The following HPS6 variants were observed in gnomAD, a reference collection of about 807,000 sequenced individuals.
The protein encoded by HPS6 is BLOC-2 complex member HPS6.
In HPS6, 46 loss-of-function variants were observed where a neutral mutation model predicts 53.6. The observed-to-expected ratio is 0.86, with a 90% CI of 0.68 to 1.10. The LOEUF is 1.10. Ranked by LOEUF, HPS6 falls within the 50% of genes least tolerant of loss-of-function variation. HPS6 has a pLI of 0.00. For synonymous variants in HPS6, 535 were observed against 470.8 expected, an observed-to-expected ratio of 1.14 and a Z score of -1.77; for missense variants, 1,034 against 991.3, an observed-to-expected ratio of 1.04 and a Z score of -0.58.
At position 102,065,416 on chromosome 10, in the gene HPS6, C is replaced by A; in HGVS notation, c.-59C>A. ...CTCCGCTCCCCCGAGAATCGGGCCTCGCCCTGCTGGGCGGCTGGACCTGGG... is the reference window on the plus strand; with the variant it reads ...CTCCGCTCCCCCGAGAATCGGGCCTAGCCCTGCTGGGCGGCTGGACCTGGG... On this transcript the variant is annotated 5_prime_UTR_variant, in exon 1 of 1. Transcript: ENST00000299238. 1 of 1,494,190 alleles carries A rather than the reference C, an allele frequency of 6.7e-7. No individual in the cohort carries two copies. Among genetic ancestry groups the A allele is most frequent in the Non-Finnish European group, 8.9e-7 (1 of 1,127,484 alleles). 92.6% of individuals were successfully genotyped at this position (1,494,190 alleles called of 1,614,324 possible).
At position 102,065,747 on chromosome 10, in the gene HPS6, G is replaced by T. The variant is rs2067963629; in HGVS notation, c.273G>T (p.Ala91=). Residue 91 remains alanine, a synonymous_variant, in exon 1 of 1, where the codon GCG becomes GCT. Coordinates refer to ENST00000299238, the MANE Select transcript of HPS6 (RefSeq NM_024747.6). ...AFFLPWPARP[A]LVLVWESGLA... ...TCCTGCCGTGGCCAGCGCGGCCGGC[G>T]CTGGTGCTGGTGTGGGAGAGTGGCC... is the stretch of plus-strand genomic sequence containing the variant. 3 of 1,501,192 alleles carry T rather than the reference G, an allele frequency of 2.0e-6. No individual in the cohort carries two copies. Among genetic ancestry groups the T allele is most frequent in the Admixed American group, 2.1e-5 (1 of 47,200 alleles). 93.0% of individuals were successfully genotyped at this position (1,501,192 alleles called of 1,614,324 possible).
Position 102,066,777 on chromosome 10 carries a change from C to T in HPS6, c.1303C>T (p.Pro435Ser). Residue 435 changes from proline (P) to serine (S), a missense_variant, in exon 1 of 1, where the codon CCT becomes TCT. Physicochemically the swap from Pro to Ser is moderately conservative, Grantham distance 74 (BLOSUM62 -1). Transcript: ENST00000299238. ...ELRHSSTFRA[P>S]QALASILQGH... Reference sequence around the variant, plus strand: ...GAGACACAGCAGCACATTCCGGGCACCTCAGGCTCTGGCCTCCATCCTCCA... The same window carrying T: ...GAGACACAGCAGCACATTCCGGGCATCTCAGGCTCTGGCCTCCATCCTCCA... 6.2e-7 allele frequency: 1 copy of T among 1,614,174 alleles called. No homozygotes were observed. Among genetic ancestry groups the T allele is most frequent in the Non-Finnish European group, 8.5e-7 (1 of 1,180,046 alleles).
In HPS6 at chr10:102,067,189, T is replaced by C. The variant is rs202086504; in HGVS notation, c.1715T>C (p.Leu572Pro). Residue 572 changes from leucine to proline, a missense_variant, in exon 1 of 1, where the codon CTG becomes CCG. By Grantham distance (98) the Leu-to-Pro change is moderately conservative. Transcript: ENST00000299238. Reference protein sequence around the residue: ...LPPFELLCQCLCQLEPRWLPP... With the variant: ...LPPFELLCQCPCQLEPRWLPP... ...CCCTTTGAACTCCTGTGCCAGTGTC[T>C]GTGCCAGCTGGAGCCTCGATGGCTG... 9.3e-6 allele frequency: 15 copies of C among 1,613,106 alleles called. No individual in the cohort carries two copies. Among genetic ancestry groups the C allele is most frequent in the African/African-American group, 2.7e-5 (2 of 74,912 alleles).
chr10:102,067,368 C>T lies in HPS6; in HGVS notation c.1894C>T (p.Arg632Trp), dbSNP rs762947367. 16 of 1,612,682 alleles carry T rather than the reference C, an allele frequency of 9.9e-6. No homozygotes were observed. The highest frequency in any genetic ancestry group is 8.9e-5 in the East Asian group (4 of 44,890). Reference sequence around the variant, plus strand: ...GCTAGAGCTGCTCTTGAGCAGTGGGCGGCCTAAAGCTGTGCTCCAAGCTGT... The same window carrying T: ...GCTAGAGCTGCTCTTGAGCAGTGGGTGGCCTAAAGCTGTGCTCCAAGCTGT... ...LELELLLSSG[R>W]PKAVLQAVGQ... The change falls in exon 1 of 1, where the codon CGG becomes TGG. Residue 632 changes from arginine to tryptophan, a missense_variant. Transcript: ENST00000299238.
chr10:102,067,135 G>C lies in HPS6; in HGVS notation c.1661G>C (p.Gly554Ala). 1 of 1,614,002 alleles carries C rather than the reference G, an allele frequency of 6.2e-7. No homozygotes were observed. Among genetic ancestry groups the C allele is most frequent in the Non-Finnish European group, 8.5e-7 (1 of 1,180,028 alleles). The stretch of plus-strand genomic sequence containing the variant: ...AAAGTGTTAGGGGGAATAACCGCTG[G>C]AAAGGAACCCCCCAATGGAATACTG... ...WKKVLGGITAGKEPPNGILPP... is the reference protein window; with the variant it reads ...WKKVLGGITAAKEPPNGILPP... Residue 554 changes from glycine (G) to alanine (A), a missense_variant, in exon 1 of 1, where the codon GGA (glycine) becomes GCA (alanine). By Grantham distance (60) the Gly-to-Ala change is moderately conservative. Transcript: ENST00000299238.
rs1389744223 is a variant in HPS6, at chr10:102,067,084, C to T, written c.1610C>T (p.Ser537Phe). The T allele has an allele frequency of 8.7e-6, 14 of 1,614,164 alleles. No homozygotes were observed. The highest frequency in any genetic ancestry group is 1.6e-4 in the Middle Eastern group (1 of 6,062). Residue 537 changes from serine to phenylalanine, a missense_variant, in exon 1 of 1, where the codon TCC becomes TTC. Coordinates refer to ENST00000299238, the MANE Select transcript of HPS6 (RefSeq NM_024747.6). ...CTAGATGGGAATGGCAAGCTGAGGTCCCAAGCACCCCCTGATGTGTGGAAG... is the reference window on the plus strand; with the variant it reads ...CTAGATGGGAATGGCAAGCTGAGGTTCCAAGCACCCCCTGATGTGTGGAAG... ...LQLDGNGKLR[S>F]QAPPDVWKKV...
At position 102,065,464 on chromosome 10, in the gene HPS6, G is replaced by T. The variant is rs1294826619; in HGVS notation, c.-11G>T. 1 of 1,550,878 alleles carries T rather than the reference G, an allele frequency of 6.4e-7. No homozygotes were observed. The highest frequency in any genetic ancestry group is 1.8e-5 in the Admixed American group (1 of 54,986). ...GGGCAAAGCCTGGGCGCGCTCCCGC[G>T]CAGCGGCGCCATGAAGCGCTCGGGG... On this transcript the variant is annotated 5_prime_UTR_variant, in exon 1 of 1. Coordinates refer to ENST00000299238, the MANE Select transcript of HPS6 (RefSeq NM_024747.6).
rs893964043 is a variant in HPS6, at chr10:102,065,394, C to T, written c.-81C>T. Reference sequence around the variant, plus strand: ...GGAGACGGAAGTCTTGGCCCTGCTCCGCTCCCCCGAGAATCGGGCCTCGCC... The same window carrying T: ...GGAGACGGAAGTCTTGGCCCTGCTCTGCTCCCCCGAGAATCGGGCCTCGCC... On this transcript the variant is annotated 5_prime_UTR_variant, in exon 1 of 1. Coordinates refer to ENST00000299238, the MANE Select transcript of HPS6 (RefSeq NM_024747.6). 4.2e-6 allele frequency: 6 copies of T among 1,415,200 alleles called. No individual in the cohort carries two copies. Among genetic ancestry groups the T allele is most frequent in the South Asian group, 1.3e-5 (1 of 76,760 alleles). 87.7% of individuals were successfully genotyped at this position (1,415,200 alleles called of 1,614,324 possible).
rs777735693 is a variant in HPS6 at position 102,066,561 on chromosome 10, A to G, written c.1087A>G (p.Met363Val). The change falls in exon 1 of 1, where the codon ATG (methionine) becomes GTG (valine). Residue 363 changes from methionine (M) to valine (V), a missense_variant. Transcript: ENST00000299238. ...TCTGCTAGAACCGCCAGCCCCCGGC[A>G]TGGAGGATGAGGAAGAGCTGGAGAC... ...VHLLEPPAPG[M>V]EDEEELETRG... 1 of 1,614,160 alleles carries G rather than the reference A, an allele frequency of 6.2e-7. No individual in the cohort carries two copies. The highest frequency in any genetic ancestry group is 2.2e-5 in the East Asian group (1 of 44,886).
rs1564899913 is a variant in HPS6, at chr10:102,067,280, GC to G, written c.1810del (p.Leu604CysfsTer9). The G allele has an allele frequency of 6.2e-7, 1 of 1,612,974 alleles. No homozygotes were observed. The highest frequency in any genetic ancestry group is 1.1e-5 in the South Asian group (1 of 91,074). On this transcript the variant is annotated frameshift_variant, in exon 1 of 1. Transcript: ENST00000299238. LOFTEE classifies it high-confidence loss of function. ...PGWGAGGPGL[P>X]LYRRALAVLG... ...GCTGGGGGGCAGGGGGCCCAGGACT[GC>G]CCCTGTATCGCCGAGCTCTGGCAGT... is the stretch of plus-strand genomic sequence containing the variant.
chr10:102,067,099 A>T lies in HPS6; in HGVS notation c.1625A>T (p.Asp542Val). Residue 542 changes from aspartate (D) to valine (V), a missense_variant, in exon 1 of 1, where the codon GAT (aspartate) becomes GTT (valine). Physicochemically the swap from Asp to Val is radical, Grantham distance 152. Transcript: ENST00000299238. ...AAGCTGAGGTCCCAAGCACCCCCTGATGTGTGGAAGAAAGTGTTAGGGGGA... is the reference window on the plus strand; with the variant it reads ...AAGCTGAGGTCCCAAGCACCCCCTGTTGTGTGGAAGAAAGTGTTAGGGGGA... ...NGKLRSQAPP[D>V]VWKKVLGGIT... 1 of 1,614,098 alleles carries T rather than the reference A, an allele frequency of 6.2e-7. No individual in the cohort carries two copies. Among genetic ancestry groups the T allele is most frequent in the Non-Finnish European group, 8.5e-7 (1 of 1,179,996 alleles).
Position 102,065,751 on chromosome 10 carries a change from G to C in HPS6, c.277G>C (p.Val93Leu), listed in dbSNP as rs185571437. The change falls in exon 1 of 1, where the codon GTG becomes CTG. Residue 93 changes from valine (V) to leucine (L), a missense_variant. Transcript: ENST00000299238. ...GCCGTGGCCAGCGCGGCCGGCGCTG[G>C]TGCTGGTGTGGGAGAGTGGCCTGGC... ...FLPWPARPAL[V>L]LVWESGLAEV... 1.3e-6 allele frequency: 2 copies of C among 1,502,948 alleles called. No individual in the cohort carries two copies. The highest frequency in any genetic ancestry group is 1.8e-6 in the Non-Finnish European group (2 of 1,133,922). 93.1% of individuals were successfully genotyped at this position (1,502,948 alleles called of 1,614,324 possible).
rs769879663 is a variant in HPS6 at position 102,067,272 on chromosome 10, C to T, written c.1798C>T (p.Pro600Ser). 1.2e-6 allele frequency: 2 copies of T among 1,612,874 alleles called. No homozygotes were observed. Among genetic ancestry groups the T allele is most frequent in the Non-Finnish European group, 1.7e-6 (2 of 1,179,806 alleles). ...QGGPGWGAGG[P>S]GLPLYRRALA... ...CGGGCCGGGCTGGGGGGCAGGGGGC[C>T]CAGGACTGCCCCTGTATCGCCGAGC... Residue 600 changes from proline (P) to serine (S), a missense_variant, in exon 1 of 1, where the codon CCA (proline) becomes TCA (serine). Pro to Ser is a moderately conservative substitution (Grantham distance 74). Transcript: ENST00000299238.
chr10:102,066,595 A>T lies in HPS6; in HGVS notation c.1121A>T (p.Asn374Ile), dbSNP rs1485524076. 1 of 1,614,058 alleles carries T rather than the reference A, an allele frequency of 6.2e-7. No individual in the cohort carries two copies. The highest frequency in any genetic ancestry group is 8.5e-7 in the Non-Finnish European group (1 of 1,180,044). The change falls in exon 1 of 1, where the codon AAT becomes ATT. Residue 374 changes from asparagine to isoleucine, a missense_variant. Physicochemically the swap from Asn to Ile is moderately radical, Grantham distance 149 (BLOSUM62 -3). Transcript: ENST00000299238. Reference sequence around the variant, plus strand: ...GAGGAAGAGCTGGAGACCCGAGGGAATCTTCGTCTGCTTTCAGCCTTGGGT... The same window carrying T: ...GAGGAAGAGCTGGAGACCCGAGGGATTCTTCGTCTGCTTTCAGCCTTGGGT... ...EDEEELETRG[N>I]LRLLSALGLF...
At position 102,067,160 on chromosome 10, in the gene HPS6, G is replaced by GC. The variant is rs1384342700; in HGVS notation, c.1692dup (p.Phe565LeufsTer2). ...GAAAGGAACCCCCCAATGGAATACT[G>GC]CCCCCCTTTGAACTCCTGTGCCAGT... On this transcript the variant is annotated frameshift_variant, in exon 1 of 1. Transcript: ENST00000299238. LOFTEE classifies it high-confidence loss of function. 1.9e-6 allele frequency: 3 copies of GC among 1,613,622 alleles called. No individual in the cohort carries two copies. Among genetic ancestry groups the GC allele is most frequent in the Admixed American group, 1.7e-5 (1 of 60,022 alleles).
At position 102,065,869 on chromosome 10, in the gene HPS6, C is replaced by A; in HGVS notation, c.395C>A (p.Ala132Glu). ...GGGGGAGCCCGCGTTGTGGCAGTGG[C>A]GGCGCTCCGAGGCCGCCTGGTGTGG... ...PGGGARVVAV[A>E]ALRGRLVWCE... The change falls in exon 1 of 1, where the codon GCG becomes GAG. Residue 132 changes from alanine (A) to glutamate (E), a missense_variant. Transcript: ENST00000299238. The A allele has an allele frequency of 1.3e-6, 2 of 1,527,448 alleles. No individual in the cohort carries two copies. The highest frequency in any genetic ancestry group is 1.2e-5 in the South Asian group (1 of 83,444). The allele number at this position is 1,527,448 out of a possible 1,614,324, so 94.6% of individuals were successfully genotyped here.
Position 102,066,270 on chromosome 10 carries a change from G to A in HPS6, c.796G>A (p.Glu266Lys), listed in dbSNP as rs2067969334. Residue 266 changes from glutamate (E) to lysine (K), a missense_variant, in exon 1 of 1, where the codon GAG (glutamate) becomes AAG (lysine). By Grantham distance (56) the Glu-to-Lys change is moderately conservative. Transcript: ENST00000299238. ...CCTTCCTGGGTTGCTGTCCCCCAGG[G>A]AGCCACTGGCTGTACACACCTGGGC... ...RGLPGLLSPREPLAVHTWAPT... is the reference protein window; with the variant it reads ...RGLPGLLSPRKPLAVHTWAPT... 5.6e-6 allele frequency: 9 copies of A among 1,613,956 alleles called. No individual in the cohort carries two copies. In the East Asian group the frequency reaches 8.9e-5, roughly 16 times the overall value.
Position 102,065,651 on chromosome 10 carries a change from G to T in HPS6, c.177G>T (p.Ala59=). 1 of 1,539,872 alleles carries T rather than the reference G, an allele frequency of 6.5e-7. No individual in the cohort carries two copies. Among genetic ancestry groups the T allele is most frequent in the Non-Finnish European group, 8.7e-7 (1 of 1,154,362 alleles). The change falls in exon 1 of 1, where the codon GCG becomes GCT. Residue 59 remains alanine, a synonymous_variant. Coordinates refer to ENST00000299238, the MANE Select transcript of HPS6 (RefSeq NM_024747.6). ...PGAVAPQLLV[A]SRGPGAELER... is the part of the protein sequence containing the mutation. ...CGGTAGCCCCACAGCTGCTAGTCGC[G>T]TCGCGAGGGCCCGGCGCGGAGCTAG...
Position 102,067,759 on chromosome 10 carries a change from G to A in HPS6, c.2285G>A (p.Trp762Ter). 1.9e-6 allele frequency: 3 copies of A among 1,613,122 alleles called. No homozygotes were observed. Among genetic ancestry groups the A allele is most frequent in the East Asian group, 4.5e-5 (2 of 44,892 alleles). Residue 762 changes from tryptophan to a stop codon, truncating the protein, a stop_gained, in exon 1 of 1, where the codon TGG becomes TAG. Coordinates refer to ENST00000299238, the MANE Select transcript of HPS6 (RefSeq NM_024747.6). LOFTEE classifies it high-confidence loss of function. ...CTAAGCCCATATGAGGACATCCTAT[G>A]GGACCCCAGCACTCCACCCCCGACT... ...PVLSPYEDIL[W>*]DPSTPPPTPP...
Sources: gnomAD v4.1 joint callset for allele counts on GRCh38, gnomAD v4.1.1 for gene constraint, MANE v1.5 for transcripts, NCBI Gene and HGNC (gene_info 2026-07-23, HGNC 2026-07-21) for gene names.